The following RNF220 variants were observed in gnomAD, a reference collection of about 807,000 sequenced individuals.
RNF220 encodes ring finger protein 220, also known as E3 ubiquitin-protein ligase RNF220.
In RNF220, 7 loss-of-function variants were observed where a neutral mutation model predicts 67.1. The observed-to-expected ratio is 0.10, with a 90% confidence interval of 0.06 to 0.20. The LOEUF is 0.20. Among genes scored for constraint, RNF220 ranks in the 10% least tolerant of loss-of-function variants. The probability of loss-of-function intolerance (pLI) is 1.00; values close to 1 mark genes in which losing one functional copy is unlikely to be tolerated. For missense variants in RNF220, 565 were observed against 740.3 expected, an observed-to-expected ratio of 0.76 and a Z score of 2.75; for synonymous variants, 270 against 283.2, an observed-to-expected ratio of 0.95 and a Z score of 0.47.
At position 44,641,013 on chromosome 1, in the gene RNF220, G is replaced by T. The variant is rs376033883; in HGVS notation, c.1127-3685G>T. On this transcript the variant is annotated intron_variant, in intron 8 of 14. Coordinates refer to ENST00000361799, the MANE Select transcript of RNF220 (RefSeq NM_018150.4). ...AACGGGCATCTCCAGTTTCTCAATC[G>T]ATCATCTGATCAATTGATTAAATTA... Among the ~76,000 whole-genome samples the T allele has an allele frequency of 9.2e-5, 14 of 152,164 alleles. No individual in the cohort carries two copies. In the South Asian group the frequency reaches 2.9e-3, roughly 32 times the overall value.
chr1:44,626,253 G>A, intron 4 of RNF220, 44 bp from the exon 5 acceptor site: 1 of 1,452,086 alleles, frequency 6.9e-7, no homozygotes, highest in Non-Finnish European at 9.7e-7. Flanking sequence ...ACTGACTGTA[G>A]GTCTCATTTG....
At position 44,621,317 on chromosome 1, in the gene RNF220, C is replaced by A. The variant is rs936373697; in HGVS notation, c.759-1425C>A. 5.9e-5 allele frequency among the ~76,000 whole-genome samples: 9 copies of A among 152,216 alleles called. No individual in the cohort carries two copies. Among genetic ancestry groups the A allele is most frequent in the Admixed American group, 5.9e-4 (9 of 15,294 alleles). Reference sequence around the variant, plus strand: ...CCAGGTGTGACTGGTTATATCTGTGCCTGTTGGCAGAATTATAGAAAGTCT... The same window carrying A: ...CCAGGTGTGACTGGTTATATCTGTGACTGTTGGCAGAATTATAGAAAGTCT... On this transcript the variant is annotated intron_variant, in intron 3 of 14. Transcript: ENST00000361799. The surrounding 1 kb of genome is among the most constrained non-coding windows in gnomAD (Gnocchi z 4.8).
At chr1:44,460,049 G>A (rs939610806) in intron 2 of RNF220, among the ~76,000 whole-genome samples, 1 of 152,136 alleles carries the variant, frequency 6.6e-6, no homozygotes, top group Admixed American at 6.5e-5. Context: ...GCCAGTAAAG[G>A]GTGAATTAAG....
chr1:44,475,003 A>G (rs888562443), intron 2 of RNF220, among the ~76,000 whole-genome samples: 3 of 151,816 alleles, frequency 2.0e-5, no homozygotes, highest in Admixed American at 6.6e-5. Context: ...TTTTTTTTCT[A>G]TGAAAGCCAA....
chr1:44,519,538 G>A (rs1461731772), intron 2 of RNF220, among the ~76,000 whole-genome samples: 3 of 152,174 alleles, frequency 2.0e-5, no homozygotes, highest in Admixed American at 6.5e-5. Flanking sequence ...AAGGGTGTTC[G>A]AAGCAGAGGA....
At chr1:44,513,109 C>G (rs959340211) in intron 2 of RNF220, among the ~76,000 whole-genome samples, 4 of 152,222 alleles carry the variant, frequency 2.6e-5, no homozygotes, top group Non-Finnish European at 5.9e-5. Context: ...GAAAGGTTCC[C>G]CCACTTTCTG....
chr1:44,649,458 G>A lies in RNF220; in HGVS notation c.1446-203G>A, dbSNP rs1432249771. ...TGGTATCTGGTGTAGAAATTCATCCGAATGGGAATGGAGGAATAGAGAGGG... is the reference window on the plus strand; with the variant it reads ...TGGTATCTGGTGTAGAAATTCATCCAAATGGGAATGGAGGAATAGAGAGGG... On this transcript the variant is annotated intron_variant, in intron 12 of 14. Transcript: ENST00000361799. The surrounding 1 kb of genome is among the most constrained non-coding windows in gnomAD (Gnocchi z 5.9). The A allele has an allele frequency of 3.7e-5, 22 of 595,790 alleles. No individual in the cohort carries two copies. In the East Asian group the frequency reaches 4.5e-4, roughly 12 times the overall value. 36.9% of individuals were successfully genotyped at this position (595,790 alleles called of 1,614,324 possible).
chr1:44,509,094 G>A (rs961539702), intron 2 of RNF220, among the ~76,000 whole-genome samples: 21 of 152,182 alleles, frequency 1.4e-4, no homozygotes, highest in African/African-American at 4.1e-4. Flanking sequence ...TATCTTTTGC[G>A]TTTTCCTTTA....
At chr1:44,597,184 T>C (rs893165662) in intron 2 of RNF220, among the ~76,000 whole-genome samples, 3 of 152,174 alleles carry the variant, frequency 2.0e-5, no homozygotes, top group African/African-American at 7.2e-5. Flanking sequence ...ATCACCCTGT[T>C]AGGCAAGTAT....
chr1:44,509,422 C>T (rs1254399183), intron 2 of RNF220, among the ~76,000 whole-genome samples: 10 of 151,824 alleles, frequency 6.6e-5, no homozygotes, highest in South Asian at 2.1e-4. Context: ...TGGTGGTGGG[C>T]GCCTGTAGTC....
chr1:44,467,614 T>C (rs982500697), intron 2 of RNF220, among the ~76,000 whole-genome samples: 8 of 152,274 alleles, frequency 5.3e-5, no homozygotes, highest in Non-Finnish European at 1.2e-4. Flanking sequence ...CAGGGAATGT[T>C]GTGGCTGGTT....
chr1:44,441,658 T>C (rs1383745812), intron 2 of RNF220, among the ~76,000 whole-genome samples: 1 of 152,062 alleles, frequency 6.6e-6, no homozygotes, highest in Non-Finnish European at 1.5e-5. Flanking sequence ...GAGGAAAGAA[T>C]TGAGGAGCAG....
intron 2 of RNF220, among the ~76,000 whole-genome samples, chr1:44,507,372 C>G (rs1339887858): frequency 1.3e-5 from 2 of 152,108 alleles, no homozygotes; most frequent in Non-Finnish European, 2.9e-5. Flanking sequence ...TACTCCACCT[C>G]TCCAGAGCCT....
chr1:44,437,770 A>G (rs935046303), intron 2 of RNF220, among the ~76,000 whole-genome samples: 1 of 152,224 alleles, frequency 6.6e-6, no homozygotes. Flanking sequence ...ATGATCTGCA[A>G]TGTCCTTTTC....
chr1:44,451,844 C>T (rs1652717491), intron 2 of RNF220, among the ~76,000 whole-genome samples: 1 of 152,162 alleles, frequency 6.6e-6, no homozygotes, highest in Non-Finnish European at 1.5e-5. Flanking sequence ...TGGTCTCAAA[C>T]TCCTGACCTC....
At chr1:44,627,268 C>T (rs913367398) in intron 5 of RNF220, among the ~76,000 whole-genome samples, 6 of 146,174 alleles carry the variant, frequency 4.1e-5, no homozygotes, top group Non-Finnish European at 8.9e-5. Flanking sequence ...TCACTTGAAC[C>T]CGGGAGGCAG....
intron 2 of RNF220, among the ~76,000 whole-genome samples, chr1:44,430,688 G>A (rs991990692): frequency 8.5e-5 from 13 of 152,134 alleles, no homozygotes; most frequent in Non-Finnish European, 1.9e-4. Context: ...GGGATTATAG[G>A]CGCCTGCCAC....
intron 2 of RNF220, among the ~76,000 whole-genome samples, chr1:44,576,790 C>A (rs976943772): frequency 1.3e-5 from 2 of 152,158 alleles, no homozygotes; most frequent in Admixed American, 1.3e-4. Context: ...TTATTTCAGC[C>A]GGACAATTGC....
intron 2 of RNF220, among the ~76,000 whole-genome samples, chr1:44,502,805 G>A (rs917081703): frequency 3.3e-5 from 5 of 151,818 alleles, no homozygotes; most frequent in Admixed American, 1.3e-4. Flanking sequence ...TAACTCAGTC[G>A]CCCAGGCTGG....
Sources: gnomAD v4.1 joint callset for allele counts (sites outside exome capture counted in the v4.1 genomes callset) on GRCh38, gnomAD v4.1.1 for gene constraint, Gnocchi (gnomAD v3.1) non-coding constraint, MANE v1.5 for transcripts, NCBI Gene and HGNC (gene_info 2026-07-23, HGNC 2026-07-21) for gene names.